Variants in ZNF521 observed in about 807,000 individuals in gnomAD.
ZNF521 encodes the protein zinc finger protein 521.
In ZNF521, 14 loss-of-function variants were observed where a neutral mutation model predicts 105.5. That is an observed-to-expected ratio of 0.13 (90% CI 0.09 to 0.21). The LOEUF is 0.21. Ranked by LOEUF, ZNF521 falls within the 10% of genes least tolerant of loss-of-function variation. The probability of loss-of-function intolerance (pLI) is 1.00; values close to 1 mark genes in which losing one functional copy is unlikely to be tolerated. For missense variants in ZNF521, 1,233 were observed against 1,629.7 expected, an observed-to-expected ratio of 0.76 and a Z score of 4.19; for synonymous variants, 635 against 606.0, an observed-to-expected ratio of 1.05 and a Z score of -0.70.
intron 3 of ZNF521, among the ~76,000 whole-genome samples, chr18:25,295,918 C>G (rs957576831): frequency 6.6e-6 from 1 of 152,220 alleles, no homozygotes; most frequent in African/African-American, 2.4e-5. Context: ...CTCCCGCCAG[C>G]AGTGTCTATT....
intron 4 of ZNF521, among the ~76,000 whole-genome samples, chr18:25,196,847 T>C (rs1204044579): frequency 3.3e-5 from 5 of 151,852 alleles, no homozygotes; most frequent in Admixed American, 3.3e-4. Flanking sequence ...ATATATTGTT[T>C]ATTAGCATAC....
intron 7 of ZNF521, among the ~76,000 whole-genome samples, chr18:25,066,306 A>G (rs914022977): frequency 3.3e-5 from 5 of 152,120 alleles, no homozygotes; most frequent in African/African-American, 9.7e-5. Flanking sequence ...CCGCCATGGG[A>G]TTCTGCTCCA....
intron 7 of ZNF521, among the ~76,000 whole-genome samples, chr18:25,070,425 A>G (rs1016815443): frequency 2.6e-5 from 4 of 152,074 alleles, no homozygotes; most frequent in African/African-American, 9.7e-5. Context: ...TACCTATAGT[A>G]TAAAAGTTCA....
chr18:25,167,810 C>G (rs928914902), intron 5 of ZNF521, among the ~76,000 whole-genome samples: 2 of 152,112 alleles, frequency 1.3e-5, no homozygotes, highest in African/African-American at 2.4e-5. Context: ...GAAATTCCCA[C>G]AAATCACAGA....
At chr18:25,159,202 T>C (rs1161776326) in intron 5 of ZNF521, among the ~76,000 whole-genome samples, 2 of 152,312 alleles carry the variant, frequency 1.3e-5, no homozygotes, top group African/African-American at 4.8e-5. Flanking sequence ...GAGAAGCTGA[T>C]CATTATCAAT....
chr18:25,331,733 G>C (rs954914188), intron 2 of ZNF521, among the ~76,000 whole-genome samples: 1 of 152,144 alleles, frequency 6.6e-6, no homozygotes, highest in South Asian at 2.1e-4. Context: ...CATTAGCTTG[G>C]GGGGAAAGTG....
In ZNF521 at chr18:25,143,474, A is replaced by G. The variant is rs545962678; in HGVS notation, c.3659-51393T>C. ...TTGTAAACTGGCTCTGAGGACCATC[A>G]AAAGGTCTTGTTCTGGGCAAGGATG... On this transcript the variant is annotated intron_variant, in intron 5 of 7. Coordinates refer to ENST00000361524, the MANE Select transcript of ZNF521 (RefSeq NM_015461.3). Among the ~76,000 whole-genome samples, 188 of 152,136 alleles carry G rather than the reference A, an allele frequency of 1.2e-3. 1 individual carries two copies. Among genetic ancestry groups the G allele is most frequent in the Non-Finnish European group, 4.3e-4 (29 of 68,022 alleles).
chr18:25,143,173 C>G (rs2144447919), intron 5 of ZNF521, among the ~76,000 whole-genome samples: 1 of 152,084 alleles, frequency 6.6e-6, no homozygotes, highest in South Asian at 2.1e-4. Flanking sequence ...TTTTTTTTAG[C>G]ATTTTGAACA....
intron 3 of ZNF521, chr18:25,302,143 T>C (rs1479304552): frequency 6.6e-6 from 1 of 152,058 alleles, no homozygotes; most frequent in African/African-American, 2.4e-5. Flanking sequence ...CTCTTACTTC[T>C]ATAAGCTTTT....
intron 7 of ZNF521, among the ~76,000 whole-genome samples, chr18:25,068,359 C>T (rs55821837): frequency 2.6e-5 from 4 of 152,134 alleles, no homozygotes; most frequent in African/African-American, 9.7e-5. Context: ...TTGGGTTGGA[C>T]CTTTATCCAT....
At chr18:25,343,878 T>G (rs1914342912) in intron 2 of ZNF521, among the ~76,000 whole-genome samples, 1 of 152,178 alleles carries the variant, frequency 6.6e-6, no homozygotes, top group Non-Finnish European at 1.5e-5. Flanking sequence ...CATATTGGAA[T>G]CTAAATTTGT....
At chr18:25,121,109 G>GTT (rs371446396) in intron 5 of ZNF521, among the ~76,000 whole-genome samples, 9 of 56,586 alleles carry the variant, frequency 1.6e-4, no homozygotes, top group Non-Finnish European at 2.0e-4. Context: ...GGAAGAAGGA[G>GTT]TATTTTTTTT....
intron 2 of ZNF521, among the ~76,000 whole-genome samples, chr18:25,343,444 A>G (rs1914321708): frequency 6.6e-6 from 1 of 152,118 alleles, no homozygotes; most frequent in Admixed American, 6.5e-5. Flanking sequence ...TAGACTATGT[A>G]TGTGTGTGTC....
intron 4 of ZNF521, chr18:25,202,203 C>T (rs1230296186): frequency 6.6e-6 from 1 of 152,086 alleles, no homozygotes; most frequent in African/African-American, 2.4e-5. Context: ...TTAAATATAG[C>T]TTTAAAAATT....
chr18:25,069,295 G>GAACT (rs1207182833), intron 7 of ZNF521, among the ~76,000 whole-genome samples: 1 of 152,032 alleles, frequency 6.6e-6, no homozygotes, highest in Non-Finnish European at 1.5e-5. Flanking sequence ...TATTTCCCCT[G>GAACT]AACGTTAAGA....
chr18:25,223,050 G>A (rs771315768), intron 4 of ZNF521, among the ~76,000 whole-genome samples: 26 of 152,020 alleles, frequency 1.7e-4, no homozygotes, highest in Non-Finnish European at 2.9e-4. Flanking sequence ...CTTTTCTATA[G>A]GTTTAAAAAA....
rs571471344 is a variant in ZNF521 at position 25,303,976 on chromosome 18, C to T, written c.220+18032G>A. ...TAATATTGACCTACCTCATGAGCAC[C>T]GACAGAGGATTAACTAATTAACAAT... is the stretch of plus-strand genomic sequence containing the variant. On this transcript the variant is annotated intron_variant, in intron 3 of 7. Coordinates refer to ENST00000361524, the MANE Select transcript of ZNF521 (RefSeq NM_015461.3). 1.6e-4 allele frequency among the ~76,000 whole-genome samples: 24 copies of T among 152,084 alleles called. 1 individual carries two copies. Among genetic ancestry groups the T allele is most frequent in the Admixed American group, 1.4e-3 (21 of 15,272 alleles).
intron 3 of ZNF521, among the ~76,000 whole-genome samples, chr18:25,241,128 C>T (rs1363278316): frequency 6.6e-6 from 1 of 152,092 alleles, no homozygotes; most frequent in Non-Finnish European, 1.5e-5. Flanking sequence ...CCATGGGCTC[C>T]TTTATATTAG....
intron 5 of ZNF521, among the ~76,000 whole-genome samples, chr18:25,140,939 G>T (rs1220818722): frequency 6.6e-6 from 1 of 152,126 alleles, no homozygotes; most frequent in African/African-American, 2.4e-5. Context: ...AAGCTAAGCG[G>T]CAAAAAGCAG....
Sources: gnomAD v4.1 joint callset for allele counts (sites outside exome capture counted in the v4.1 genomes callset) on GRCh38, gnomAD v4.1.1 for gene constraint, MANE v1.5 for transcripts, NCBI Gene and HGNC (gene_info 2026-07-23, HGNC 2026-07-21) for gene names.